Variants in WNT7B observed in about 807,000 individuals in gnomAD.
WNT7B encodes the protein protein Wnt-7b.
WNT7B carries 19 observed loss-of-function variants against 38.2 expected under a neutral mutation model. That is an observed-to-expected ratio of 0.50 (90% CI 0.35 to 0.73). WNT7B has a LOEUF of 0.73. Ranked by LOEUF, WNT7B falls within the 30% of genes least tolerant of loss-of-function variation. The probability of loss-of-function intolerance (pLI) is 0.01; values close to 1 mark genes in which losing one functional copy is unlikely to be tolerated. For missense variants in WNT7B, 423 were observed against 507.9 expected (o/e 0.83, Z 1.61); for synonymous variants, 243 against 209.3 (o/e 1.16, Z -1.39).
At chr22:45,942,374 C>T (rs1470215268) in intron 2 of WNT7B, among the ~76,000 whole-genome samples, 1 of 152,240 alleles carries the variant, frequency 6.6e-6, no homozygotes, top group Admixed American at 6.5e-5. Context: ...GGCTCAGTCC[C>T]AGGGGGACAA....
chr22:45,973,309 T>C (rs1932491144), intron 1 of WNT7B, among the ~76,000 whole-genome samples: 1 of 152,230 alleles, frequency 6.6e-6, no homozygotes, highest in Non-Finnish European at 1.5e-5. Flanking sequence ...TAGCCAATTC[T>C]GGTTCCACAT....
intron 1 of WNT7B, among the ~76,000 whole-genome samples, chr22:45,962,412 G>C (rs149195456): frequency 2.3e-3 from 349 of 152,272 alleles, no homozygotes; most frequent in African/African-American, 8.2e-3. Context: ...GGCCCACCAG[G>C]ATGCACCAGG....
At position 45,976,301 on chromosome 22, in the gene WNT7B, C is replaced by T. The variant is rs1257413866; in HGVS notation, c.71+383G>A. ...CCCCCCGACCCCGCCCCGGCGCACC[C>T]TCCAGGCGGCGAGCGCTCGGCCCGG... is the stretch of plus-strand genomic sequence containing the variant. On this transcript the variant is annotated intron_variant, in intron 1 of 3. Transcript: ENST00000339464. The surrounding 1 kb of genome is among the most constrained non-coding windows in gnomAD (Gnocchi z 8.5). 4.0e-5 allele frequency among the ~76,000 whole-genome samples: 6 copies of T among 149,082 alleles called. No homozygotes were observed. Among genetic ancestry groups the T allele is most frequent in the African/African-American group, 9.7e-5 (4 of 41,152 alleles).
chr22:45,964,377 G>A (rs565172674), intron 1 of WNT7B, among the ~76,000 whole-genome samples: 126 of 152,234 alleles, frequency 8.3e-4, no homozygotes, highest in Non-Finnish European at 1.2e-3. Context: ...TGATGGGGCC[G>A]AACAAGCGCT....
At chr22:45,929,927 T>C (rs1340758137) in intron 3 of WNT7B, among the ~76,000 whole-genome samples, 1 of 93,310 alleles carries the variant, frequency 1.1e-5, no homozygotes, top group African/African-American at 4.3e-5. Context: ...TATCCTCCCA[T>C]CCACCCACTC....
intron 1 of WNT7B, among the ~76,000 whole-genome samples, chr22:45,961,631 G>A (rs1206434088): frequency 6.6e-6 from 1 of 151,836 alleles, no homozygotes; most frequent in Non-Finnish European, 1.5e-5. Flanking sequence ...GGTGGGGGGT[G>A]GGCAAGGACG....
intron 2 of WNT7B, among the ~76,000 whole-genome samples, chr22:45,940,761 G>C (rs1391924234): frequency 6.6e-6 from 1 of 152,192 alleles, no homozygotes; most frequent in Non-Finnish European, 1.5e-5. Context: ...TGGGGTGCAG[G>C]GTGGCCAATG....
At chr22:45,934,937 C>T (rs986536935) in intron 2 of WNT7B, among the ~76,000 whole-genome samples, 3 of 152,218 alleles carry the variant, frequency 2.0e-5, no homozygotes, top group Non-Finnish European at 2.9e-5. Context: ...GGCTCCCGTG[C>T]GCCCGGCACG....
At chr22:45,955,188 G>A (rs1326568057) in intron 1 of WNT7B, among the ~76,000 whole-genome samples, 1 of 152,196 alleles carries the variant, frequency 6.6e-6, no homozygotes, top group African/African-American at 2.4e-5. Flanking sequence ...CCCGGGCACT[G>A]TCCAGTCTGA....
chr22:45,939,912 A>G (rs538168163), intron 2 of WNT7B, among the ~76,000 whole-genome samples: 2 of 152,332 alleles, frequency 1.3e-5, no homozygotes, highest in African/African-American at 2.4e-5. Flanking sequence ...TTCCATTTCT[A>G]TGAAATGCCC....
At chr22:45,939,316 G>A (rs1010296552) in intron 2 of WNT7B, among the ~76,000 whole-genome samples, 1 of 152,120 alleles carries the variant, frequency 6.6e-6, no homozygotes, top group Non-Finnish European at 1.5e-5. Flanking sequence ...TGAAACAGGC[G>A]CCCACTTATA....
At chr22:45,947,944 G>A (rs546066042) in intron 2 of WNT7B, among the ~76,000 whole-genome samples, 107 of 152,256 alleles carry the variant, frequency 7.0e-4, no homozygotes, top group African/African-American at 2.4e-3. Context: ...AGGCGAGCTC[G>A]GGGACCCCAC....
At chr22:45,927,424 C>T in intron 3 of WNT7B, 1 of 1,543,282 alleles carries the variant, frequency 6.5e-7, no homozygotes, top group Non-Finnish European at 8.7e-7. Flanking sequence ...CCAGCCTGGG[C>T]CACATGCCAG....
At chr22:45,923,509 G>T (rs1930992625) in intron 3 of WNT7B, among the ~76,000 whole-genome samples, 174 bp from the exon 4 acceptor site, 1 of 152,196 alleles carries the variant, frequency 6.6e-6, no homozygotes, top group South Asian at 2.1e-4. Context: ...ATTACATGGG[G>T]CTGCTAACAA....
Position 45,922,951 on chromosome 22 carries a change from T to C in WNT7B, c.955A>G (p.Thr319Ala), listed in dbSNP as rs1198737001. The C allele has an allele frequency of 6.2e-7, 1 of 1,613,394 alleles. No homozygotes were observed. Among genetic ancestry groups the C allele is most frequent in the Admixed American group, 1.7e-5 (1 of 60,030 alleles). ...TTGCAGTTGCACTGCCACACCTTGG[T>C]GTACTGGTGGGTGTTGTAGCCTCGG... ...CGRGYNTHQYTKVWQCNCKFH... is the reference protein window; with the variant it reads ...CGRGYNTHQYAKVWQCNCKFH... The change falls in exon 4 of 4, where the codon ACC (threonine) becomes GCC (alanine). Residue 319 changes from threonine (T) to alanine (A), a missense_variant. By Grantham distance (58) the Thr-to-Ala change is moderately conservative (BLOSUM62 0). Transcript: ENST00000339464.
intron 1 of WNT7B, among the ~76,000 whole-genome samples, chr22:45,958,703 C>A (rs1932127821): frequency 6.6e-6 from 1 of 152,212 alleles, no homozygotes; most frequent in East Asian, 1.9e-4. Context: ...GAACCCACCC[C>A]CACTGTCCCG....
At chr22:45,939,632 AACACACACACACACACTCACAC>A (rs1931594553) in intron 2 of WNT7B, among the ~76,000 whole-genome samples, 1 of 144,786 alleles carries the variant, frequency 6.9e-6, no homozygotes, top group African/African-American at 2.7e-5. Context: ...TGTCTCTACA[AACACACACACACACACTCACAC>A]ACACACACAC....
intron 2 of WNT7B, among the ~76,000 whole-genome samples, chr22:45,942,931 T>G (rs1482671768): frequency 7.0e-6 from 1 of 143,800 alleles, no homozygotes; most frequent in Non-Finnish European, 1.5e-5. Context: ...CGTGTGTGCA[T>G]GTGTGTAGGC....
chr22:45,923,029 G>A lies in WNT7B; in HGVS notation c.877C>T (p.Leu293Phe). The A allele has an allele frequency of 6.2e-7, 1 of 1,612,860 alleles. No individual in the cohort carries two copies. The highest frequency in any genetic ancestry group is 8.5e-7 in the Non-Finnish European group (1 of 1,179,588). Residue 293 changes from leucine (L) to phenylalanine (F), a missense_variant, in exon 4 of 4, where the codon CTC becomes TTC. Physicochemically the swap from Leu to Phe is conservative, Grantham distance 22. Coordinates refer to ENST00000339464, the MANE Select transcript of WNT7B (RefSeq NM_058238.3). ...GCGCCGGGCGACGTGCGGTTGCAGA[G>A]ACGGCCCTGCGTGCCCACGCTGCCC... ...ATGSVGTQGR[L>F]CNRTSPGADG...
Sources: gnomAD v4.1 joint callset for allele counts (sites outside exome capture counted in the v4.1 genomes callset) on GRCh38, gnomAD v4.1.1 for gene constraint, Gnocchi (gnomAD v3.1) non-coding constraint, MANE v1.5 for transcripts, NCBI Gene and HGNC (gene_info 2026-07-23, HGNC 2026-07-21) for gene names.